The following NRG1 variants were observed in gnomAD, a reference collection of about 807,000 sequenced individuals.
The protein encoded by NRG1 is neuregulin 1.
Under a neutral mutation model 63.8 loss-of-function variants are expected in NRG1, and 18 were observed. The observed-to-expected ratio is 0.28, with a 90% CI of 0.19 to 0.42. The LOEUF (loss-of-function observed/expected upper bound fraction) is 0.42, where lower values mean the gene tolerates loss of function less well. NRG1 is among the 10% of genes least tolerant of loss of function. The pLI is 1.00. For synonymous variants in NRG1, 302 were observed against 301.3 expected, an observed-to-expected ratio of 1.00 and a Z score of -0.02; for missense variants, 762 against 814.7, an observed-to-expected ratio of 0.94 and a Z score of 0.79.
intron 1 of NRG1, among the ~76,000 whole-genome samples, chr8:31,760,042 A>T (rs1459202805): frequency 6.6e-6 from 1 of 152,110 alleles, no homozygotes; most frequent in Admixed American, 6.6e-5. Context: ...CTCCTCTGAT[A>T]TCCTGAACCC....
rs541008260 is a variant in NRG1, at chr8:32,647,726, T to G, written c.502+30841T>G. On this transcript the variant is annotated intron_variant, in intron 5 of 11. Transcript: ENST00000356819. ...CTTCTGGAGGTGAGCCGATGGAGAT[T>G]TATTCCCCAGACATGTCTGAGGTCG... 102 of 1,565,562 alleles carry G rather than the reference T, an allele frequency of 6.5e-5. 1 individual carries two copies. In the South Asian group the frequency reaches 1.1e-3, roughly 17 times the overall value.
At chr8:31,826,255 A>G (rs1824543565) in intron 1 of NRG1, among the ~76,000 whole-genome samples, 1 of 152,142 alleles carries the variant, frequency 6.6e-6, no homozygotes, top group African/African-American at 2.4e-5. Context: ...GCTTTCTGAT[A>G]TGGTTTGGCT....
At chr8:32,010,854 A>G (rs1244627441) in intron 1 of NRG1, among the ~76,000 whole-genome samples, 1 of 152,110 alleles carries the variant, frequency 6.6e-6, no homozygotes, top group Non-Finnish European at 1.5e-5. Flanking sequence ...ATCTTGCAGA[A>G]CTTAATGTAC....
chr8:31,995,275 T>C (rs16878643), intron 1 of NRG1, among the ~76,000 whole-genome samples: 2,354 of 152,082 alleles, frequency 0.015, 52 homozygotes, highest in African/African-American at 0.054. Context: ...TATACTGTGA[T>C]TTATATATAC....
intron 1 of NRG1, among the ~76,000 whole-genome samples, chr8:32,237,050 CT>C (rs1563938618): frequency 6.6e-6 from 1 of 152,194 alleles, no homozygotes; most frequent in Non-Finnish European, 1.5e-5. Flanking sequence ...TCCTTTCAGC[CT>C]TCAGGGATCG....
At chr8:32,174,949 GA>G (rs1840532780) in intron 1 of NRG1, among the ~76,000 whole-genome samples, 1 of 152,148 alleles carries the variant, frequency 6.6e-6, no homozygotes, top group South Asian at 2.1e-4. Flanking sequence ...CCAATCAATA[GA>G]AAAAGAGGAA....
At chr8:32,333,613 A>AT (rs1251706357) in intron 1 of NRG1, among the ~76,000 whole-genome samples, 2 of 152,088 alleles carry the variant, frequency 1.3e-5, no homozygotes, top group African/African-American at 4.8e-5. Flanking sequence ...ATGAGAAGAG[A>AT]CCCCTGTAAT....
At chr8:31,804,010 C>A (rs1370148981) in intron 1 of NRG1, among the ~76,000 whole-genome samples, 2 of 152,162 alleles carry the variant, frequency 1.3e-5, no homozygotes, top group Non-Finnish European at 2.9e-5. Flanking sequence ...CTTTCCCCAC[C>A]CAATCCTTTC....
intron 8 of NRG1, among the ~76,000 whole-genome samples, chr8:32,755,711 A>T (rs926599372): frequency 1.3e-5 from 2 of 152,156 alleles, no homozygotes; most frequent in African/African-American, 4.8e-5. Context: ...CCCCAGGAAA[A>T]GCTATAAATG....
chr8:32,620,508 T>C (rs560586299), intron 5 of NRG1, among the ~76,000 whole-genome samples: 4 of 130,374 alleles, frequency 3.1e-5, no homozygotes, highest in East Asian at 2.3e-4. Context: ...CTTTAACTCA[T>C]GTTGGATTAG....
chr8:32,285,886 A>G (rs902610847), intron 1 of NRG1, among the ~76,000 whole-genome samples: 1 of 152,182 alleles, frequency 6.6e-6, no homozygotes, highest in Non-Finnish European at 1.5e-5. Flanking sequence ...AAAAAAAGGC[A>G]AGTTAATTGA....
intron 1 of NRG1, among the ~76,000 whole-genome samples, chr8:31,804,657 A>T (rs1822104355): frequency 6.6e-6 from 1 of 152,198 alleles, no homozygotes; most frequent in Non-Finnish European, 1.5e-5. Context: ...CTCAGGTAGC[A>T]GTTGATGCTG....
At chr8:31,804,314 G>C (rs536514162) in intron 1 of NRG1, among the ~76,000 whole-genome samples, 1 of 152,108 alleles carries the variant, frequency 6.6e-6, no homozygotes, top group Non-Finnish European at 1.5e-5. Flanking sequence ...TGTATCCTTT[G>C]CTCTCTTGGC....
intron 1 of NRG1, among the ~76,000 whole-genome samples, chr8:32,587,108 C>CTAAG (rs932945363): frequency 1.3e-5 from 2 of 151,972 alleles, no homozygotes; most frequent in Admixed American, 1.3e-4. Context: ...ATGTGAGAGG[C>CTAAG]TAAGGCAGGA....
At chr8:32,547,479 G>C (rs570317329), upstream of NRG1, among the ~76,000 whole-genome samples, 3 of 152,148 alleles carry the variant, frequency 2.0e-5, no homozygotes, top group East Asian at 1.9e-4. Context: ...TTTTTTATCA[G>C]TTCCTCTGAA....
At chr8:31,798,140 T>C (rs777166878) in intron 1 of NRG1, among the ~76,000 whole-genome samples, 22 of 152,122 alleles carry the variant, frequency 1.4e-4, no homozygotes, top group Non-Finnish European at 2.9e-4. Flanking sequence ...TCTAGTGTTA[T>C]GTGGCACTGT....
At position 32,773,777 on chromosome 8, in the gene NRG1, G is replaced by A. The variant is rs139463231; in HGVS notation, c.942+13371G>A. Among the ~76,000 whole-genome samples the A allele has an allele frequency of 7.1e-4, 108 of 152,086 alleles. 1 individual carries two copies. The highest frequency in any genetic ancestry group is 2.1e-3 in the East Asian group (11 of 5,174). ...CTTATTGTGTCAATCTCCTGGTTAC[G>A]GCCCCTCCATGGCTCCCCACCTGAC... On this transcript the variant is annotated intron_variant, in intron 7 of 7. Transcript: ENST00000651335.
chr8:32,745,893 A>T (rs1350056877), intron 7 of NRG1, among the ~76,000 whole-genome samples: 1 of 152,216 alleles, frequency 6.6e-6, no homozygotes, highest in Admixed American at 6.5e-5. Context: ...TAATTTTAGA[A>T]CTTTTAGGAA....
intron 1 of NRG1, among the ~76,000 whole-genome samples, chr8:31,749,161 G>A (rs1471475915): frequency 6.6e-6 from 1 of 151,760 alleles, no homozygotes; most frequent in Non-Finnish European, 1.5e-5. Flanking sequence ...CAAGTTGAAA[G>A]TAGTATAATA....
Sources: gnomAD v4.1 joint callset for allele counts (sites outside exome capture counted in the v4.1 genomes callset) on GRCh38, gnomAD v4.1.1 for gene constraint, MANE v1.5 for transcripts, NCBI Gene and HGNC (gene_info 2026-07-23, HGNC 2026-07-21) for gene names.